The following ZDHHC15 variants were observed in gnomAD, a reference collection of about 807,000 sequenced individuals.
ZDHHC15 encodes the protein palmitoyltransferase ZDHHC15.
ZDHHC15 carries 19 observed loss-of-function variants against 31.7 expected under a neutral mutation model. That is an observed-to-expected ratio of 0.60 (90% confidence interval 0.42 to 0.88). The LOEUF (loss-of-function observed/expected upper bound fraction) is 0.88. Ranked by LOEUF, ZDHHC15 falls within the 40% of genes least tolerant of loss-of-function variation. The pLI, the probability that ZDHHC15 is intolerant of heterozygous loss-of-function variation, is 0.00. For synonymous variants in ZDHHC15, 103 were observed against 90.0 expected (o/e 1.14, Z -0.82); for missense variants, 209 against 251.2 (o/e 0.83, Z 1.14).
chrX:75,377,571 A>G (rs899419222), intron 11 of ZDHHC15, among the ~76,000 whole-genome samples: 1 of 110,922 alleles, frequency 9.0e-6, no homozygotes, highest in African/African-American at 3.3e-5. Context: ...ATATATTTGG[A>G]CAGAGTGCCC....
At chrX:75,423,429 A>T (rs1004144947) in intron 8 of ZDHHC15, among the ~76,000 whole-genome samples, 1 of 106,325 alleles carries the variant, frequency 9.4e-6, no homozygotes, top group African/African-American at 3.5e-5. Context: ...TCCCACTTAT[A>T]AGTGAGAACA....
chrX:75,452,971 G>A (rs990886352), intron 3 of ZDHHC15, among the ~76,000 whole-genome samples: 4 of 111,697 alleles, frequency 3.6e-5, no homozygotes, highest in Non-Finnish European at 7.5e-5. Context: ...GCAATTAAAA[G>A]AACTAGAGAA....
intron 10 of ZDHHC15, among the ~76,000 whole-genome samples, chrX:75,396,313 A>G (rs1172421490): frequency 8.9e-6 from 1 of 112,324 alleles, no homozygotes; most frequent in African/African-American, 3.2e-5. Context: ...AAATCTAATA[A>G]TCTGATTAAA....
At chrX:75,451,328 C>T (rs928391149) in intron 3 of ZDHHC15, among the ~76,000 whole-genome samples, 1 of 111,916 alleles carries the variant, frequency 8.9e-6, no homozygotes, top group Non-Finnish European at 1.9e-5. Flanking sequence ...ACCATGCTTA[C>T]CAAGTTGCAA....
rs753564700 is a variant in ZDHHC15 at position 75,474,433 on chromosome X, TTATA to T, written c.258+4454_258+4457del. 2.3e-3 allele frequency among the ~76,000 whole-genome samples: 118 copies of T among 51,023 alleles called. 1 individual carries two copies. In the East Asian group the frequency reaches 0.049, roughly 21 times the overall value. 44.3% of individuals were successfully genotyped at this position (51,023 alleles called of 115,157 possible). On this transcript the variant is annotated intron_variant, in intron 3 of 11. Transcript: ENST00000373367. The stretch of plus-strand genomic sequence containing the variant: ...GAATTAATACTTAATAAACTCCCCT[TTATA>T]TATATATATATACACACACACACAC...
At chrX:75,389,352 C>T (rs1308435516) in intron 10 of ZDHHC15, among the ~76,000 whole-genome samples, 1 of 110,511 alleles carries the variant, frequency 9.0e-6, no homozygotes, top group Non-Finnish European at 1.9e-5. Flanking sequence ...GTGGGGTACA[C>T]ATGACCTAGT....
chrX:75,383,863 C>A (rs1280680713), intron 10 of ZDHHC15, among the ~76,000 whole-genome samples: 2 of 105,771 alleles, frequency 1.9e-5, no homozygotes, highest in African/African-American at 6.9e-5. Context: ...CTCACCCTCC[C>A]GAGTAGCTGG....
chrX:75,387,161 G>A (rs1485998774), intron 10 of ZDHHC15, among the ~76,000 whole-genome samples: 1 of 111,630 alleles, frequency 9.0e-6, no homozygotes, highest in African/African-American at 3.3e-5. Context: ...AATCCAACAG[G>A]CAAATTACAA....
intron 4 of ZDHHC15, among the ~76,000 whole-genome samples, chrX:75,443,671 T>C (rs1221087034): frequency 3.6e-5 from 4 of 111,661 alleles, no homozygotes; most frequent in Non-Finnish European, 7.5e-5. Flanking sequence ...ATCGTCAGAG[T>C]GAACAGGCAA....
chrX:75,480,908 C>G (rs1263810842), intron 2 of ZDHHC15, among the ~76,000 whole-genome samples: 2 of 111,421 alleles, frequency 1.8e-5, no homozygotes, highest in African/African-American at 6.5e-5. Flanking sequence ...TACTGCCAAA[C>G]TGCCATTAAG....
At chrX:75,431,150 T>C (rs959442499) in intron 5 of ZDHHC15, among the ~76,000 whole-genome samples, 15 of 112,183 alleles carry the variant, frequency 1.3e-4, no homozygotes, top group African/African-American at 3.9e-4. Context: ...AAATATAAGA[T>C]GTTAACAACA....
chrX:75,445,047 C>T (rs1319053327), intron 4 of ZDHHC15, among the ~76,000 whole-genome samples: 1 of 110,419 alleles, frequency 9.1e-6, no homozygotes, highest in African/African-American at 3.3e-5. Context: ...TACACCATCA[C>T]CTTTCCTGGG....
At chrX:75,398,449 C>T (rs985729473) in intron 10 of ZDHHC15, among the ~76,000 whole-genome samples, 3 of 112,847 alleles carry the variant, frequency 2.7e-5, no homozygotes, top group East Asian at 2.8e-4. Context: ...GATCTGAATT[C>T]CCCCTCAAAA....
At chrX:75,446,693 A>G (rs2084038301) in intron 4 of ZDHHC15, among the ~76,000 whole-genome samples, 1 of 111,359 alleles carries the variant, frequency 9.0e-6, no homozygotes, top group Non-Finnish European at 1.9e-5. Flanking sequence ...AGATCAAGGT[A>G]CCAACAGCTT....
At chrX:75,489,036 CA>C (rs1385916458) in intron 2 of ZDHHC15, among the ~76,000 whole-genome samples, 1 of 111,483 alleles carries the variant, frequency 9.0e-6, no homozygotes, top group Non-Finnish European at 1.9e-5. Flanking sequence ...TGCAAGGCGG[CA>C]GGGGGGAGGA....
chrX:75,498,215 G>A (rs948127671), intron 2 of ZDHHC15, among the ~76,000 whole-genome samples: 1 of 110,811 alleles, frequency 9.0e-6, no homozygotes, highest in African/African-American at 3.3e-5. Context: ...TTACAGGCGT[G>A]AGCCACCGTG....
chrX:75,469,845 CT>C (rs1005570650), intron 3 of ZDHHC15, among the ~76,000 whole-genome samples: 4 of 111,908 alleles, frequency 3.6e-5, no homozygotes, highest in African/African-American at 1.3e-4. Flanking sequence ...CACCAACAGC[CT>C]TCAAATGTTC....
chrX:75,442,115 T>A (rs1390687438), intron 4 of ZDHHC15, among the ~76,000 whole-genome samples: 2 of 112,391 alleles, frequency 1.8e-5, no homozygotes, highest in Non-Finnish European at 3.8e-5. Flanking sequence ...TTAAACATTC[T>A]TTCTAAGTGT....
intron 3 of ZDHHC15, among the ~76,000 whole-genome samples, chrX:75,471,415 C>T (rs1300340794): frequency 1.8e-5 from 2 of 112,010 alleles, no homozygotes; most frequent in Non-Finnish European, 3.8e-5. Flanking sequence ...ATTGGTGAGA[C>T]AATTGCATGC....
Sources: allele counts gnomAD v4.1 joint callset (sites outside exome capture counted in the v4.1 genomes callset), GRCh38; gene constraint gnomAD v4.1.1; transcripts MANE v1.5; gene names NCBI Gene and HGNC (gene_info 2026-07-23, HGNC 2026-07-21).